DIAPH2: variants seen among roughly 807,000 people sequenced by gnomAD.
DIAPH2 encodes protein diaphanous homolog 2.
Under a neutral mutation model 92.7 loss-of-function variants are expected in DIAPH2, and 35 were observed. The ratio of observed to expected loss-of-function variants is 0.38; its 90% CI spans 0.29 to 0.50. The LOEUF is 0.50. Among genes scored for constraint, DIAPH2 ranks in the 20% least tolerant of loss-of-function variants. The pLI, the probability that DIAPH2 is intolerant of heterozygous loss-of-function variation, is 0.94. For missense variants in DIAPH2, 701 were observed against 819.5 expected (o/e 0.86, Z 1.77); for synonymous variants, 301 against 280.4 (o/e 1.07, Z -0.73).
intron 26 of DIAPH2, among the ~76,000 whole-genome samples, chrX:97,519,873 G>T (rs1358230645): frequency 1.8e-5 from 2 of 110,388 alleles, no homozygotes; most frequent in Non-Finnish European, 3.8e-5. Context: ...TTACAGGCGC[G>T]CTGTAATTTT....
chrX:96,994,930 G>A (rs919352631), intron 17 of DIAPH2, among the ~76,000 whole-genome samples: 1 of 111,247 alleles, frequency 9.0e-6, no homozygotes, highest in Non-Finnish European at 1.9e-5. Flanking sequence ...AGATTTTGGT[G>A]AGGATACAAA....
intron 22 of DIAPH2, among the ~76,000 whole-genome samples, chrX:97,177,990 C>T (rs1381279351): frequency 9.0e-6 from 1 of 111,710 alleles, no homozygotes; most frequent in African/African-American, 3.3e-5. Flanking sequence ...GAGCGGATCA[C>T]TTGATCCCAG....
At chrX:97,205,537 G>A (rs183484088) in intron 22 of DIAPH2, among the ~76,000 whole-genome samples, 17 of 111,151 alleles carry the variant, frequency 1.5e-4, no homozygotes, top group African/African-American at 6.5e-5. Context: ...AAAGAAATGT[G>A]GCCAACAGAT....
chrX:96,864,901 C>T (rs1411316594), intron 4 of DIAPH2, among the ~76,000 whole-genome samples: 1 of 111,804 alleles, frequency 8.9e-6, no homozygotes. Flanking sequence ...ATCTGTAAAA[C>T]GGGGATAATA....
rs2071582527 is a variant in DIAPH2 at position 97,599,981 on chromosome X, G to C, written c.*664G>C. 1 of 112,453 alleles carries C rather than the reference G, an allele frequency of 8.9e-6. No homozygotes were observed. Among genetic ancestry groups the C allele is most frequent in the African/African-American group, 3.2e-5 (1 of 30,939 alleles). 9.3% of individuals were successfully genotyped at this position (112,453 alleles called of 1,213,427 possible). A position where few individuals can be genotyped will look rare whatever the true frequency, so the allele number is the denominator to read the frequency against. ...CATGATATTGCAAGCACTTCTCATT[G>C]CTAAAAATAAATAAACCAAAGTTTA... On this transcript the variant is annotated 3_prime_UTR_variant, in exon 27 of 27. Transcript: ENST00000324765.
At chrX:97,546,827 C>T (rs763798893) in intron 26 of DIAPH2, among the ~76,000 whole-genome samples, 1 of 108,393 alleles carries the variant, frequency 9.2e-6, no homozygotes, top group African/African-American at 3.3e-5. Flanking sequence ...CAGAGTGAGG[C>T]TCTGTCTCAA....
At chrX:96,788,254 A>G (rs763698226) in intron 4 of DIAPH2, among the ~76,000 whole-genome samples, 2 of 111,737 alleles carry the variant, frequency 1.8e-5, no homozygotes, top group Admixed American at 9.5e-5. Flanking sequence ...CATGAGTTAC[A>G]TGTTCCTCAT....
At chrX:97,403,946 T>C (rs750930581) in intron 25 of DIAPH2, among the ~76,000 whole-genome samples, 34 of 109,121 alleles carry the variant, frequency 3.1e-4, no homozygotes, top group Non-Finnish European at 3.2e-4. Context: ...TCTGCCTCCC[T>C]GGGTTCAAGC....
chrX:96,848,035 AATTATT>A (rs1027951909), intron 4 of DIAPH2, among the ~76,000 whole-genome samples: 2 of 110,242 alleles, frequency 1.8e-5, no homozygotes, highest in Non-Finnish European at 1.9e-5. Context: ...TATCTTTAAA[AATTATT>A]ATTATTATTT....
Position 97,458,937 on chromosome X carries a change from C to T in DIAPH2, c.3241+29192C>T, listed in dbSNP as rs1870239. 4.8e-3 allele frequency among the ~76,000 whole-genome samples: 540 copies of T among 111,525 alleles called. 2 individuals carry two copies. Among genetic ancestry groups the T allele is most frequent in the African/African-American group, 0.017 (524 of 30,714 alleles). On this transcript the variant is annotated intron_variant, in intron 26 of 26. Coordinates refer to ENST00000324765, the MANE Select transcript of DIAPH2 (RefSeq NM_006729.5). ...GAAGCAGAGTCTCCAGGGATAGGTG[C>T]TGGTCATGGGGATCTTGAAAACGCT...
chrX:96,780,902 G>A (rs2064413198), intron 4 of DIAPH2, among the ~76,000 whole-genome samples: 1 of 109,290 alleles, frequency 9.1e-6, no homozygotes, highest in Admixed American at 9.9e-5. Flanking sequence ...CGCCTCCTGG[G>A]ATCAAGCAAT....
intron 4 of DIAPH2, among the ~76,000 whole-genome samples, chrX:96,863,693 A>G (rs1035103788): frequency 9.0e-6 from 1 of 111,203 alleles, no homozygotes; most frequent in Non-Finnish European, 1.9e-5. Flanking sequence ...TACCTAATTC[A>G]AATAATTCTG....
chrX:97,585,108 T>TATC (rs753847820), intron 26 of DIAPH2, among the ~76,000 whole-genome samples: 1 of 111,992 alleles, frequency 8.9e-6, no homozygotes, highest in African/African-American at 3.2e-5. Flanking sequence ...CCTTTTTGTA[T>TATC]ATCAGTGATC....
intron 23 of DIAPH2, among the ~76,000 whole-genome samples, chrX:97,294,629 T>G (rs2068628143): frequency 8.9e-6 from 1 of 112,011 alleles, no homozygotes; most frequent in Non-Finnish European, 1.9e-5. Flanking sequence ...TAGCACTTAA[T>G]ATAACAATTT....
At chrX:97,311,166 A>G (rs993432057) in intron 23 of DIAPH2, among the ~76,000 whole-genome samples, 1 of 111,913 alleles carries the variant, frequency 8.9e-6, no homozygotes, top group Non-Finnish European at 1.9e-5. Flanking sequence ...ATAATGTGTT[A>G]AGAACAGACT....
intron 16 of DIAPH2, among the ~76,000 whole-genome samples, chrX:96,959,411 C>G (rs1359634461): frequency 2.7e-5 from 3 of 111,530 alleles, no homozygotes; most frequent in African/African-American, 9.8e-5. Flanking sequence ...ATATCTTGGC[C>G]ATTTGTTTGT....
At chrX:97,222,241 G>A (rs917836874) in intron 22 of DIAPH2, among the ~76,000 whole-genome samples, 5 of 111,217 alleles carry the variant, frequency 4.5e-5, no homozygotes, top group African/African-American at 1.6e-4. Flanking sequence ...TTTCGCTCTT[G>A]TTGCCCAGGC....
At chrX:97,155,206 ATTAACATG>A (rs978230717) in intron 22 of DIAPH2, among the ~76,000 whole-genome samples, 1 of 112,135 alleles carries the variant, frequency 8.9e-6, no homozygotes, top group African/African-American at 3.2e-5. Context: ...CTATTTGGAG[ATTAACATG>A]TGAAATAGGC....
rs183858402 is a variant in DIAPH2 at position 97,327,765 on chromosome X, G to A, written c.2845-20351G>A. Among the ~76,000 whole-genome samples, 602 of 106,535 alleles carry A rather than the reference G, an allele frequency of 5.7e-3. 4 individuals carry two copies. Among genetic ancestry groups the A allele is most frequent in the Non-Finnish European group, 8.7e-3 (445 of 50,970 alleles). The allele number at this position is 106,535 out of a possible 115,157, so 92.5% of individuals were successfully genotyped here. Reference sequence around the variant, plus strand: ...TAATTTTTGTATTTTTAGTAGAGACGGGGTTTCACCATGTTGGCCAGGCTG... The same window carrying A: ...TAATTTTTGTATTTTTAGTAGAGACAGGGTTTCACCATGTTGGCCAGGCTG... On this transcript the variant is annotated intron_variant, in intron 23 of 26. Transcript: ENST00000324765.
Sources: allele counts gnomAD v4.1 joint callset (sites outside exome capture counted in the v4.1 genomes callset), GRCh38; gene constraint gnomAD v4.1.1; transcripts MANE v1.5; gene names NCBI Gene and HGNC (gene_info 2026-07-23, HGNC 2026-07-21).